The following TNC variants were observed in gnomAD, a reference collection of about 807,000 sequenced individuals.
The protein encoded by TNC is tenascin.
TNC carries 109 observed loss-of-function variants against 202.4 expected under a neutral mutation model. The ratio of observed to expected loss-of-function variants is 0.54; its 90% CI spans 0.46 to 0.63. The LOEUF (loss-of-function observed/expected upper bound fraction) is 0.63. TNC is among the 30% of genes least tolerant of loss of function. The probability of loss-of-function intolerance (pLI) is 0.00; values close to 1 mark genes in which losing one functional copy is unlikely to be tolerated. For synonymous variants in TNC, 1,007 were observed against 1,089.7 expected, an observed-to-expected ratio of 0.92 and a Z score of 1.50; for missense variants, 2,756 against 2,833.3, an observed-to-expected ratio of 0.97 and a Z score of 0.62.
chr9:115,038,621 G>A (rs1367756978), intron 19 of TNC, among the ~76,000 whole-genome samples: 1 of 152,110 alleles, frequency 6.6e-6, no homozygotes, highest in Admixed American at 6.5e-5. Context: ...TAGTAATTCT[G>A]GCTGGTTTCA....
rs77849861 is a variant in TNC, at chr9:115,106,130, T to G, written c.-137+11852A>C. Among the ~76,000 whole-genome samples, 757 of 152,312 alleles carry G rather than the reference T, an allele frequency of 5.0e-3. 5 individuals are homozygous for G. Among genetic ancestry groups the G allele is most frequent in the African/African-American group, 0.017 (722 of 41,568 alleles). ...CTATGTTAGAGGATCTTGAGCAATTTAAACTAAGAGTGAAGCAAGTAGGTC... is the reference window on the plus strand; with the variant it reads ...CTATGTTAGAGGATCTTGAGCAATTGAAACTAAGAGTGAAGCAAGTAGGTC... On this transcript the variant is annotated intron_variant, in intron 1 of 27. Transcript: ENST00000350763.
chr9:115,096,421 T>C (rs1835796535), intron 1 of TNC, among the ~76,000 whole-genome samples: 1 of 152,226 alleles, frequency 6.6e-6, no homozygotes, highest in African/African-American at 2.4e-5. Flanking sequence ...TATGAGACAG[T>C]GCAGATGAAG....
intron 10 of TNC, among the ~76,000 whole-genome samples, chr9:115,067,115 T>C (rs1359181328): frequency 1.3e-5 from 2 of 152,194 alleles, no homozygotes; most frequent in South Asian, 2.1e-4. Context: ...AGAAAGGAGG[T>C]GTCAACTACC....
chr9:115,076,424 C>T lies in TNC; in HGVS notation c.2826G>A (p.Lys942=). Residue 942 remains lysine, a synonymous_variant, in exon 8 of 28, where the codon AAG becomes AAA. Transcript: ENST00000350763. The part of the protein sequence containing the change: ...GGDHAEVDVP[K]SQQATTKTTL... ...TGGTTTTGGTTGTGGCTTGTTGGCT[C>T]TTTGGAACATCAACCTCAGCGTGGT... The T allele has an allele frequency of 6.2e-7, 1 of 1,614,038 alleles. No homozygotes were observed. The highest frequency in any genetic ancestry group is 8.5e-7 in the Non-Finnish European group (1 of 1,179,980).
chr9:115,100,045 C>A (rs140952533), intron 1 of TNC, among the ~76,000 whole-genome samples: 45 of 152,204 alleles, frequency 3.0e-4, no homozygotes, highest in African/African-American at 1.1e-3. Flanking sequence ...AGGTCAGGAC[C>A]CTGGCCAAGG....
intron 1 of TNC, among the ~76,000 whole-genome samples, chr9:115,109,913 A>G (rs1174217876): frequency 2.0e-5 from 3 of 152,224 alleles, no homozygotes; most frequent in Non-Finnish European, 4.4e-5. Context: ...GGACACAGCA[A>G]GGACTCCTAT....
chr9:115,059,123 CT>C (rs35235030), intron 14 of TNC, among the ~76,000 whole-genome samples: 31,650 of 151,662 alleles, frequency 0.21, 3,413 homozygotes, highest in Non-Finnish European at 0.24. Flanking sequence ...TGTGTAATTT[CT>C]TTTTTTTTCC....
intron 10 of TNC, among the ~76,000 whole-genome samples, chr9:115,066,195 C>A (rs548533659): frequency 6.6e-6 from 1 of 152,098 alleles, no homozygotes; most frequent in South Asian, 2.1e-4. Flanking sequence ...TCATTCATCT[C>A]GCGAATGCAC....
At chr9:115,048,147 A>G (rs1030749135) in intron 16 of TNC, 113 bp downstream of exon 16, 125 of 1,326,184 alleles carry the variant, frequency 9.4e-5, no homozygotes, top group Non-Finnish European at 1.2e-4. Flanking sequence ...GACTACATTT[A>G]TGGATTAAGT....
rs114425422 is a variant in TNC at position 115,076,661 on chromosome 9, G to A, written c.2675-86C>T. ...GACAGCTCAAGCTGACATATGAAAC[G>A]TGCCTGGAACTGGAGAGAAATTACA... On this transcript the variant is annotated intron_variant, in intron 7 of 27. Coordinates refer to ENST00000350763, the MANE Select transcript of TNC (RefSeq NM_002160.4). 2.5e-3 allele frequency: 3,696 copies of A among 1,455,240 alleles called. 83 individuals are homozygous for A. In the African/African-American group the frequency reaches 0.044, roughly 17 times the overall value. 90.1% of individuals were successfully genotyped at this position (1,455,240 alleles called of 1,614,324 possible).
intron 10 of TNC, among the ~76,000 whole-genome samples, chr9:115,068,520 G>C (rs1360141474): frequency 1.3e-5 from 2 of 152,056 alleles, no homozygotes; most frequent in Non-Finnish European, 2.9e-5. Context: ...AACCCCAAAG[G>C]GTATCTTCAG....
Position 115,078,998 on chromosome 9 carries a change from G to A in TNC, c.2405-786C>T, listed in dbSNP as rs1035023283. 6.6e-5 allele frequency among the ~76,000 whole-genome samples: 10 copies of A among 152,128 alleles called. No homozygotes were observed. The South Asian group carries it at 1.0e-3, about 16-fold the overall frequency. On this transcript the variant is annotated intron_variant, in intron 6 of 27. Transcript: ENST00000350763. Reference sequence around the variant, plus strand: ...CTAATGAGAAGCCTTTTTTTAACCCGGCTTCAGTCAGGTAAACACATATTC... The same window carrying A: ...CTAATGAGAAGCCTTTTTTTAACCCAGCTTCAGTCAGGTAAACACATATTC...
At position 115,077,200 on chromosome 9, in the gene TNC, A is replaced by G. The variant is rs563624962; in HGVS notation, c.2675-625T>C. On this transcript the variant is annotated intron_variant, in intron 7 of 27. Transcript: ENST00000350763. Reference sequence around the variant, plus strand: ...TCAGCCTGTAGCTGGGACTACAGGCACCCGCCACCACGCCTGGCTAATTTT... The same window carrying G: ...TCAGCCTGTAGCTGGGACTACAGGCGCCCGCCACCACGCCTGGCTAATTTT... Among the ~76,000 whole-genome samples the G allele has an allele frequency of 2.7e-3, 410 of 152,252 alleles. 3 individuals are homozygous for G. Among genetic ancestry groups the G allele is most frequent in the Non-Finnish European group, 3.7e-3 (249 of 68,004 alleles).
chr9:115,088,889 G>T (rs1403831790), intron 2 of TNC, among the ~76,000 whole-genome samples: 2 of 152,034 alleles, frequency 1.3e-5, no homozygotes, highest in Non-Finnish European at 2.9e-5. Context: ...TAATAATTTT[G>T]ATATTGATTT....
chr9:115,112,547 C>CGTAA (rs1437188995), intron 1 of TNC: 1 of 152,036 alleles, frequency 6.6e-6, no homozygotes, highest in Non-Finnish European at 1.5e-5. Flanking sequence ...AGAGGCTGCC[C>CGTAA]GTAAGCCCTT....
At position 115,073,871 on chromosome 9, in the gene TNC, G is replaced by A. The variant is rs201879571; in HGVS notation, c.2951-5C>T. On this transcript the variant is annotated splice_polypyrimidine_tract_variant and splice_region_variant and intron_variant, in intron 9 of 27. Coordinates refer to ENST00000350763, the MANE Select transcript of TNC (RefSeq NM_002160.4). Reference sequence around the variant, plus strand: ...GGTCCTTGGGCGTGTCCAACTCTGGGAGGAGAACAGAGAGATGAATGCTCT... The same window carrying A: ...GGTCCTTGGGCGTGTCCAACTCTGGAAGGAGAACAGAGAGATGAATGCTCT... The A allele has an allele frequency of 1.1e-4, 169 of 1,605,942 alleles. No homozygotes were observed. Among genetic ancestry groups the A allele is most frequent in the Non-Finnish European group, 1.4e-4 (162 of 1,179,708 alleles).
intron 21 of TNC, 26 bp from the exon 22 acceptor site, chr9:115,035,360 C>A: frequency 6.3e-7 from 1 of 1,592,756 alleles, no homozygotes; most frequent in Non-Finnish European, 8.6e-7. Context: ...TGATTAATAT[C>A]GGATAAGATC....
chr9:115,021,760 T>C (rs936041068), intron 27 of TNC, among the ~76,000 whole-genome samples: 3 of 152,214 alleles, frequency 2.0e-5, no homozygotes, highest in African/African-American at 7.2e-5. Flanking sequence ...ATTTGACATA[T>C]AGGGTTAAAT....
rs1213177444 is a variant in TNC, at chr9:115,094,814, CCTCTGTGTGTGTGTGTGT to C, written c.-136-3678_-136-3661del. Among the ~76,000 whole-genome samples, 152 of 66,752 alleles carry C rather than the reference CCTCTGTGTGTGTGTGTGT, an allele frequency of 2.3e-3. 1 individual carries two copies. Among genetic ancestry groups the C allele is most frequent in the East Asian group, 1.0e-2 (30 of 3,006 alleles). 43.8% of individuals were successfully genotyped at this position (66,752 alleles called of 152,430 possible). A position where few individuals can be genotyped will look rare whatever the true frequency, so the allele number is the denominator to read the frequency against. On this transcript the variant is annotated intron_variant, in intron 1 of 27. Coordinates refer to ENST00000350763, the MANE Select transcript of TNC (RefSeq NM_002160.4). ...GTAGCCCCTAAGGACAGAACAAGTG[CCTCTGTGTGTGTGTGTGT>C]GTGTGTGTGTGTGTGTGTGTGTGTG...
Sources: gnomAD v4.1 joint callset for allele counts (sites outside exome capture counted in the v4.1 genomes callset) on GRCh38, gnomAD v4.1.1 for gene constraint, MANE v1.5 for transcripts, NCBI Gene and HGNC (gene_info 2026-07-23, HGNC 2026-07-21) for gene names.